Variants in AFF3 observed in about 807,000 individuals in gnomAD.
The protein encoded by AFF3 is ALF transcription elongation factor 3.
AFF3 carries 32 observed loss-of-function variants against 129.7 expected under a neutral mutation model. The observed-to-expected ratio is 0.25, with a 90% CI of 0.19 to 0.33. AFF3 has a LOEUF of 0.33. Ranked by LOEUF, AFF3 falls within the 10% of genes least tolerant of loss-of-function variation. AFF3 has a pLI of 1.00. For missense variants in AFF3, 1,373 were observed against 1,592.0 expected (o/e 0.86, Z 2.34); for synonymous variants, 644 against 635.4 (o/e 1.01, Z -0.20).
intron 10 of AFF3, among the ~76,000 whole-genome samples, chr2:99,732,163 G>GCT (rs772751003): frequency 2.6e-5 from 4 of 151,998 alleles, no homozygotes; most frequent in Admixed American, 2.6e-4. Flanking sequence ...GACCATCCTG[G>GCT]CTAACATGGT....
At chr2:100,054,987 T>C (rs4851244) in intron 4 of AFF3, among the ~76,000 whole-genome samples, 23,539 of 152,190 alleles carry the variant, frequency 0.15, 2,028 homozygotes, top group East Asian at 0.28. Flanking sequence ...AGAAATTTTA[T>C]CCCTGCTTTC....
At chr2:99,905,431 C>T (rs1694643396) in intron 7 of AFF3, among the ~76,000 whole-genome samples, 1 of 152,178 alleles carries the variant, frequency 6.6e-6, no homozygotes. Flanking sequence ...TTGTCTGCCC[C>T]TCTGCCCTCC....
intron 7 of AFF3, among the ~76,000 whole-genome samples, chr2:99,978,700 G>A (rs1358137094): frequency 6.6e-6 from 1 of 152,124 alleles, no homozygotes; most frequent in African/African-American, 2.4e-5. Context: ...CCTTTGGAAG[G>A]TGACTAGATC....
intron 8 of AFF3, among the ~76,000 whole-genome samples, chr2:99,803,503 G>A (rs1686118480): frequency 6.6e-6 from 1 of 152,104 alleles, no homozygotes; most frequent in African/African-American, 2.4e-5. Context: ...AAATGACCAT[G>A]TGGCTCAAAG....
At chr2:99,606,261 A>T (rs1680319801) in intron 13 of AFF3, among the ~76,000 whole-genome samples, 1 of 148,390 alleles carries the variant, frequency 6.7e-6, no homozygotes, top group East Asian at 1.9e-4. Flanking sequence ...AGGCCCTGTA[A>T]AAAAAATATA....
In AFF3 at chr2:99,730,555, G is replaced by A. The variant is rs570806477; in HGVS notation, c.1040-3427C>T. On this transcript the variant is annotated intron_variant, in intron 10 of 24. Coordinates refer to ENST00000672756, the MANE Select transcript of AFF3 (RefSeq NM_001386135.1). ...TTTTGAGATGGGGTCTCACTCTGTT[G>A]CCCAGGCTGGAGTGCAGTGGTGCAC... 4.1e-4 allele frequency among the ~76,000 whole-genome samples: 59 copies of A among 145,298 alleles called. 1 individual carries two copies. The highest frequency in any genetic ancestry group is 9.4e-4 in the African/African-American group (37 of 39,182).
intron 2 of AFF3, among the ~76,000 whole-genome samples, chr2:100,113,505 A>T (rs1691602726): frequency 6.6e-6 from 1 of 152,202 alleles, no homozygotes; most frequent in African/African-American, 2.4e-5. Context: ...ACTCAGGGAG[A>T]TCTTTCCAGA....
chr2:99,921,303 A>C (rs1695843486), intron 7 of AFF3, among the ~76,000 whole-genome samples: 2 of 152,156 alleles, frequency 1.3e-5, no homozygotes, highest in Non-Finnish European at 2.9e-5. Context: ...AAATTCTTAG[A>C]GTAGTCTTCA....
chr2:99,724,353 A>T (rs1272211722), intron 11 of AFF3, among the ~76,000 whole-genome samples: 1 of 134,760 alleles, frequency 7.4e-6, no homozygotes, highest in Non-Finnish European at 1.5e-5. Flanking sequence ...GCTCACTGCA[A>T]CCTTCGCCTC....
rs754785327 is a variant in AFF3 at position 99,721,366 on chromosome 2, T to G, written c.1091+5711A>C. Among the ~76,000 whole-genome samples, 5 of 152,096 alleles carry G rather than the reference T, an allele frequency of 3.3e-5. No homozygotes were observed. The East Asian group carries it at 7.7e-4, about 24-fold the overall frequency. On this transcript the variant is annotated intron_variant, in intron 11 of 24. Transcript: ENST00000672756. ...CAACATGGTGAAATCCTGTCTCTAC[T>G]AAAAATACAAAAATTAGCTGGGCAT...
intron 8 of AFF3, among the ~76,000 whole-genome samples, chr2:99,801,982 CAT>C (rs1455363661): frequency 6.6e-6 from 1 of 152,154 alleles, no homozygotes; most frequent in Non-Finnish European, 1.5e-5. Flanking sequence ...TATCAATTAT[CAT>C]ATAATTACAT....
intron 4 of AFF3, among the ~76,000 whole-genome samples, chr2:100,085,539 G>A (rs1054354982): frequency 4.7e-5 from 7 of 148,244 alleles, no homozygotes; most frequent in Admixed American, 1.4e-4. Context: ...GCAAACTATA[G>A]GACTTATGAA....
chr2:100,012,723 C>T (rs1242243219), intron 4 of AFF3, among the ~76,000 whole-genome samples: 4 of 152,154 alleles, frequency 2.6e-5, no homozygotes, highest in Non-Finnish European at 4.4e-5. Flanking sequence ...AGAAAGCTTT[C>T]GCCTGACAAG....
chr2:100,000,721 A>G (rs992916964), intron 7 of AFF3, among the ~76,000 whole-genome samples: 1 of 152,174 alleles, frequency 6.6e-6, no homozygotes. Context: ...CCAAGCAGGT[A>G]TCATTATCAT....
intron 13 of AFF3, among the ~76,000 whole-genome samples, chr2:99,634,808 C>T (rs2105428508): frequency 6.6e-6 from 1 of 151,936 alleles, no homozygotes; most frequent in South Asian, 2.1e-4. Context: ...AGATCCACTT[C>T]CTTGGATAGA....
chr2:99,681,449 T>C (rs1211174614), intron 11 of AFF3, among the ~76,000 whole-genome samples: 2 of 152,246 alleles, frequency 1.3e-5, no homozygotes, highest in African/African-American at 4.8e-5. Context: ...TCAGGACTTC[T>C]GACAAGCTGC....
intron 11 of AFF3, among the ~76,000 whole-genome samples, chr2:99,709,746 A>AT (rs1677726608): frequency 2.0e-5 from 3 of 152,034 alleles, no homozygotes; most frequent in African/African-American, 7.2e-5. Context: ...CCTACTTATT[A>AT]TTCTATTTAC....
chr2:100,006,519 A>G (rs1681981944), intron 7 of AFF3, 113 bp downstream of exon 7: 2 of 1,338,364 alleles, frequency 1.5e-6, no homozygotes, highest in African/African-American at 1.5e-5. Flanking sequence ...ATCCTACCAC[A>G]TGAAGTTAAC....
chr2:99,984,379 C>T (rs750687293), intron 7 of AFF3, among the ~76,000 whole-genome samples: 8 of 152,178 alleles, frequency 5.3e-5, no homozygotes, highest in Admixed American at 1.3e-4. Context: ...GCTTCCATTT[C>T]CAGTTTTATG....
Sources: gnomAD v4.1 joint callset for allele counts (sites outside exome capture counted in the v4.1 genomes callset) on GRCh38, gnomAD v4.1.1 for gene constraint, MANE v1.5 for transcripts, NCBI Gene and HGNC (gene_info 2026-07-23, HGNC 2026-07-21) for gene names.